Variants in MORN1 observed in about 807,000 individuals in gnomAD.
The protein encoded by MORN1 is MORN repeat containing 1.
Under a neutral mutation model 61.9 loss-of-function variants are expected in MORN1, and 67 were observed. That is an observed-to-expected ratio of 1.08 (90% CI 0.89 to 1.33). The LOEUF (loss-of-function observed/expected upper bound fraction) is 1.33. Ranked by LOEUF, MORN1 falls within the 40% of genes most tolerant of loss-of-function variation. The pLI is 0.00. For missense variants in MORN1, 752 were observed against 691.2 expected, an observed-to-expected ratio of 1.09 and a Z score of -0.99; for synonymous variants, 301 against 292.0, an observed-to-expected ratio of 1.03 and a Z score of -0.31.
At position 2,357,698 on chromosome 1, in the gene MORN1, C is replaced by T; in HGVS notation, c.870-100G>A. Reference sequence around the variant, plus strand: ...CGCCCTGGACCCTGGGACTTGCCTACACTGAGTCCAGGGAGCGCTACTCAG... The same window carrying T: ...CGCCCTGGACCCTGGGACTTGCCTATACTGAGTCCAGGGAGCGCTACTCAG... On this transcript the variant is annotated intron_variant, in intron 9 of 13. Transcript: ENST00000378531. The surrounding 1 kb of genome is among the most constrained non-coding windows in gnomAD (Gnocchi z 6.3). The T allele has an allele frequency of 7.1e-7, 1 of 1,399,018 alleles. No homozygotes were observed. Among genetic ancestry groups the T allele is most frequent in the South Asian group, 1.5e-5 (1 of 66,740 alleles). 86.7% of individuals were successfully genotyped at this position (1,399,018 alleles called of 1,614,324 possible).
intron 12 of MORN1, chr1:2,326,584 G>C (rs544610292): frequency 7.2e-5 from 11 of 152,426 alleles, no homozygotes; most frequent in Non-Finnish European, 1.6e-4. Flanking sequence ...GTGGACTGGG[G>C]GTGCGTCTGG....
intron 6 of MORN1, among the ~76,000 whole-genome samples, chr1:2,381,911 G>A (rs1642379722): frequency 6.6e-6 from 1 of 152,220 alleles, no homozygotes; most frequent in South Asian, 2.1e-4. Flanking sequence ...CCGGGACAGG[G>A]CTGGGCTGCC....
At position 2,334,091 on chromosome 1, in the gene MORN1, C is replaced by T. The variant is rs115800097; in HGVS notation, c.1250+2378G>A. The stretch of plus-strand genomic sequence containing the variant: ...CAGCTGGGGGAGCCTCAGGCAGGGT[C>T]CCCCACTCTTTCCTAAGAGGGGGCC... On this transcript the variant is annotated intron_variant, in intron 12 of 13. Transcript: ENST00000378531. This position sits in a 1 kb window ranked among gnomAD's most constrained non-coding sequence, Gnocchi z 5.4. 6.6e-6 allele frequency among the ~76,000 whole-genome samples: 1 copy of T among 151,888 alleles called. No homozygotes were observed. The highest frequency in any genetic ancestry group is 6.6e-5 in the Admixed American group (1 of 15,252).
At chr1:2,388,377 G>A (rs1195325331) in intron 2 of MORN1, 40 bp from the exon 3 acceptor site, 1 of 1,530,886 alleles carries the variant, frequency 6.5e-7, no homozygotes, top group Admixed American at 1.7e-5. Flanking sequence ...GACAGTGGTT[G>A]GGTTGACTGC....
chr1:2,327,073 G>T (rs1450645422), intron 12 of MORN1, among the ~76,000 whole-genome samples: 1 of 150,474 alleles, frequency 6.6e-6, no homozygotes. Flanking sequence ...CAGAAACACA[G>T]AAACAAACAC....
chr1:2,359,877 C>T (rs1361039247), intron 8 of MORN1, among the ~76,000 whole-genome samples: 30 of 125,564 alleles, frequency 2.4e-4, no homozygotes, highest in African/African-American at 7.8e-4. Flanking sequence ...AGAGAGACTC[C>T]GTCTCAAAAA....
intron 6 of MORN1, among the ~76,000 whole-genome samples, chr1:2,381,664 TCCTCTGCAAAAC>T (rs1642374185): frequency 6.6e-6 from 1 of 151,962 alleles, no homozygotes; most frequent in Non-Finnish European, 1.5e-5. Context: ...CTCGCAGAAA[TCCTCTGCAAAAC>T]CCTCTGCAGA....
At chr1:2,329,703 G>A (rs1343144355) in intron 12 of MORN1, among the ~76,000 whole-genome samples, 1 of 152,240 alleles carries the variant, frequency 6.6e-6, no homozygotes, top group African/African-American at 2.4e-5. Context: ...AGGGTGGGCA[G>A]GTGAGCCGAG....
Position 2,334,497 on chromosome 1 carries a change from T to C in MORN1, c.1250+1972A>G, listed in dbSNP as rs1444808936. Among the ~76,000 whole-genome samples, 3 of 152,160 alleles carry C rather than the reference T, an allele frequency of 2.0e-5. No homozygotes were observed. Among genetic ancestry groups the C allele is most frequent in the Non-Finnish European group, 4.4e-5 (3 of 68,022 alleles). ...GGGTTTCCGCACCCAGAAGACGTAG[T>C]AAGGCCAGCTGCATGGAGAGGCGGG... On this transcript the variant is annotated intron_variant, in intron 12 of 13. Transcript: ENST00000378531. The surrounding 1 kb of genome is among the most constrained non-coding windows in gnomAD (Gnocchi z 5.4).
intron 10 of MORN1, among the ~76,000 whole-genome samples, chr1:2,353,658 CT>C (rs948029692): frequency 6.6e-6 from 1 of 152,248 alleles, no homozygotes; most frequent in African/African-American, 2.4e-5. Context: ...ATTCCGTTTC[CT>C]CTGCAGGGCT....
At position 2,387,400 on chromosome 1, in the gene MORN1, G is replaced by A; in HGVS notation, c.358+19C>T. 1.3e-6 allele frequency: 2 copies of A among 1,592,928 alleles called. No individual in the cohort carries two copies. Among genetic ancestry groups the A allele is most frequent in the African/African-American group, 2.7e-5 (2 of 74,590 alleles). ...AAAGCGCCCACCCTCACAGCACCCG[G>A]CTCCTGTGGGCGCCAGACCTTCCCG... On this transcript the variant is annotated intron_variant, in intron 4 of 13. Transcript: ENST00000378531.
At chr1:2,347,181 G>A (rs1027522502) in intron 10 of MORN1, among the ~76,000 whole-genome samples, 5 of 152,220 alleles carry the variant, frequency 3.3e-5, no homozygotes, top group Non-Finnish European at 7.3e-5. Flanking sequence ...TGCTGGGGGA[G>A]GTGGTTTCCC....
intron 7 of MORN1, among the ~76,000 whole-genome samples, chr1:2,373,063 C>T (rs575539830): frequency 3.3e-5 from 5 of 152,350 alleles, no homozygotes; most frequent in African/African-American, 1.2e-4. Context: ...CAGGGCCGCC[C>T]CTGCTCCACC....
At position 2,390,107 on chromosome 1, in the gene MORN1, C is replaced by A. The variant is rs879154134; in HGVS notation, c.77-111G>T. 5 of 1,001,266 alleles carry A rather than the reference C, an allele frequency of 5.0e-6. No homozygotes were observed. The South Asian group carries it at 5.3e-5, about 11-fold the overall frequency. 62.0% of individuals were successfully genotyped at this position (1,001,266 alleles called of 1,614,324 possible). On this transcript the variant is annotated intron_variant, in intron 1 of 13. Coordinates refer to ENST00000378531, the MANE Select transcript of MORN1 (RefSeq NM_024848.3). ...CTTGAGGGCCTTCAAGGGGTTGGTA[C>A]ACGTCACCTTCAGCAGACCAGAGGC... is the stretch of plus-strand genomic sequence containing the variant.
chr1:2,322,057 G>A, intron 13 of MORN1: 1 of 985,340 alleles, frequency 1.0e-6, no homozygotes, highest in Admixed American at 6.1e-5. Context: ...GTTTGCTTTT[G>A]AAGCCCCGCC....
intron 6 of MORN1, 81 bp from the exon 7 acceptor site, chr1:2,374,638 G>A (rs1280705477): frequency 2.4e-6 from 3 of 1,250,332 alleles, no homozygotes; most frequent in Non-Finnish European, 3.4e-6. Context: ...CAGCTTCCTG[G>A]TGCTACAGCA....
At chr1:2,360,589 A>C (rs1641871889) in intron 8 of MORN1, among the ~76,000 whole-genome samples, 1 of 152,294 alleles carries the variant, frequency 6.6e-6, no homozygotes, top group African/African-American at 2.4e-5. Context: ...GAGTTTTAAA[A>C]TTCAAAGGGC....
intron 10 of MORN1, among the ~76,000 whole-genome samples, chr1:2,349,547 T>G (rs776927971): frequency 4.6e-5 from 7 of 152,208 alleles, no homozygotes; most frequent in Non-Finnish European, 1.0e-4. Flanking sequence ...TCCCTCTATA[T>G]GATGTGATTC....
chr1:2,322,976 G>C (rs566125368), intron 13 of MORN1: 1 of 985,450 alleles, frequency 1.0e-6, no homozygotes, highest in East Asian at 1.1e-4. Context: ...TACGTACATG[G>C]CTTAGCCCCA....
Sources: allele counts gnomAD v4.1 joint callset (sites outside exome capture counted in the v4.1 genomes callset), GRCh38; gene constraint gnomAD v4.1.1; non-coding constraint Gnocchi (gnomAD v3.1); transcripts MANE v1.5; gene names NCBI Gene and HGNC (gene_info 2026-07-23, HGNC 2026-07-21).